The following CUBN variants were observed in gnomAD, a reference collection of about 807,000 sequenced individuals.
CUBN encodes cubilin.
A neutral mutation model predicts 405.3 loss-of-function variants in CUBN; 282 were observed. The observed-to-expected ratio is 0.70, with a 90% CI of 0.63 to 0.77. CUBN has a LOEUF of 0.77. CUBN is among the 30% of genes least tolerant of loss of function. The pLI is 0.00. For missense variants in CUBN, 4,514 were observed against 4,475.2 expected, an observed-to-expected ratio of 1.01 and a Z score of -0.25; for synonymous variants, 1,684 against 1,617.0, an observed-to-expected ratio of 1.04 and a Z score of -0.99.
At position 17,061,099 on chromosome 10, in the gene CUBN, A is replaced by G. The variant is rs190941194; in HGVS notation, c.3139+4409T>C. On this transcript the variant is annotated intron_variant, in intron 22 of 66. Transcript: ENST00000377833. ...AAACAACAACAAAAAAAACCCAAAA[A>G]CAAACAAACAAAAGTATTCCTAATT... 9.2e-5 allele frequency among the ~76,000 whole-genome samples: 14 copies of G among 152,176 alleles called. 1 individual carries two copies. Among genetic ancestry groups the G allele is most frequent in the Middle Eastern group, 3.4e-3 (1 of 294 alleles).
In CUBN at chr10:16,991,667, TA is replaced by T. The variant is rs538193631; in HGVS notation, c.4169-1153del. 6.7e-5 allele frequency among the ~76,000 whole-genome samples: 10 copies of T among 149,312 alleles called. 1 individual carries two copies. The East Asian group carries it at 1.8e-3, about 26-fold the overall frequency. ...TTTTTAAATATTCTTTATTGGTTGGTAAATTCTTCCAATTACCTTCTCTTAT... is the reference window on the plus strand; with the variant it reads ...TTTTTAAATATTCTTTATTGGTTGGTAATTCTTCCAATTACCTTCTCTTAT... On this transcript the variant is annotated intron_variant, in intron 28 of 66. Coordinates refer to ENST00000377833, the MANE Select transcript of CUBN (RefSeq NM_001081.4).
chr10:16,901,646 G>A (rs890316596), intron 51 of CUBN, among the ~76,000 whole-genome samples, 187 bp from the exon 52 acceptor site: 3 of 151,930 alleles, frequency 2.0e-5, no homozygotes, highest in Non-Finnish European at 2.9e-5. Flanking sequence ...CCGAGGTCAG[G>A]AGCTCAAGAC....
intron 49 of CUBN, among the ~76,000 whole-genome samples, chr10:16,907,221 C>T (rs115737606): frequency 0.011 from 1,731 of 152,278 alleles, 30 homozygotes; most frequent in African/African-American, 0.04. Context: ...CCAGGGACTA[C>T]GGAACAGGTC....
chr10:16,844,792 C>G (rs548223918), intron 60 of CUBN, among the ~76,000 whole-genome samples: 17 of 152,152 alleles, frequency 1.1e-4, no homozygotes, highest in Non-Finnish European at 2.2e-4. Context: ...CAGACTTTTG[C>G]CAGGTTGCCC....
rs370624387 is a variant in CUBN at position 16,901,912 on chromosome 10, T to C, written c.8063-453A>G. Reference sequence around the variant, plus strand: ...TAGTATATATATATATATATATATATATATATACACACACACACACACACC... The same window carrying C: ...TAGTATATATATATATATATATATACATATATACACACACACACACACACC... On this transcript the variant is annotated intron_variant, in intron 51 of 66. Transcript: ENST00000377833. 1.2e-3 allele frequency among the ~76,000 whole-genome samples: 92 copies of C among 77,990 alleles called. 1 individual carries two copies. Among genetic ancestry groups the C allele is most frequent in the East Asian group, 0.011 (27 of 2,378 alleles). 51.2% of individuals were successfully genotyped at this position (77,990 alleles called of 152,430 possible).
At chr10:17,069,396 G>A (rs78864437) in intron 19 of CUBN, among the ~76,000 whole-genome samples, 157 of 152,186 alleles carry the variant, frequency 1.0e-3, no homozygotes, top group Non-Finnish European at 2.0e-3. Flanking sequence ...TTAACTTTTT[G>A]AGGAACTGCC....
At position 17,105,466 on chromosome 10, in the gene CUBN, T is replaced by C; in HGVS notation, c.1221A>G (p.Gly407=). The change falls in exon 11 of 67, where the codon GGA becomes GGG. Residue 407 remains glycine (G), a synonymous_variant. Transcript: ENST00000377833. ...AAAACAAAGGACTCACGATGCATTG[T>C]CCATTTAGACAGGGGTGACTTAGGC... ...NICLSHPCLN[G]QCIDTVSGYF... 1.3e-6 allele frequency: 2 copies of C among 1,575,756 alleles called. No homozygotes were observed. Among genetic ancestry groups the C allele is most frequent in the Non-Finnish European group, 1.7e-6 (2 of 1,144,606 alleles).
intron 11 of CUBN, among the ~76,000 whole-genome samples, chr10:17,104,977 T>A (rs1232195453): frequency 6.6e-6 from 1 of 151,610 alleles, no homozygotes; most frequent in Non-Finnish European, 1.5e-5. Flanking sequence ...CCTGGCTAAC[T>A]TTTTGCAGTA....
Position 16,949,670 on chromosome 10 carries a change from G to A in CUBN, c.5080+331C>T, listed in dbSNP as rs11254292. Among the ~76,000 whole-genome samples, 884 of 152,132 alleles carry A rather than the reference G, an allele frequency of 5.8e-3. 36 individuals are homozygous for A. In the East Asian group the frequency reaches 0.11, roughly 19 times the overall value. On this transcript the variant is annotated intron_variant, in intron 34 of 66. Coordinates refer to ENST00000377833, the MANE Select transcript of CUBN (RefSeq NM_001081.4). ...TACTCCATGTGAATGTAAGAACTTG[G>A]TCAAATATTAACAAGAAATTTCTGA...
chr10:16,925,755 A>G lies in CUBN; in HGVS notation c.6291T>C (p.His2097=). ...SFHKSCGGYL[H]ADRGIITSPK... Reference sequence around the variant, plus strand: ...GGGACGTGATGATCCCTCTGTCTGCATGCAAATATCCACCGCAGCCTTCCC... The same window carrying G: ...GGGACGTGATGATCCCTCTGTCTGCGTGCAAATATCCACCGCAGCCTTCCC... Residue 2097 remains histidine, a synonymous_variant, in exon 42 of 67, where the codon CAT becomes CAC. Coordinates refer to ENST00000377833, the MANE Select transcript of CUBN (RefSeq NM_001081.4). 2 of 1,613,994 alleles carry G rather than the reference A, an allele frequency of 1.2e-6. No individual in the cohort carries two copies. The highest frequency in any genetic ancestry group is 1.7e-6 in the Non-Finnish European group (2 of 1,179,900).
At chr10:17,006,853 C>G (rs952508799) in intron 28 of CUBN, among the ~76,000 whole-genome samples, 1 of 152,144 alleles carries the variant, frequency 6.6e-6, no homozygotes, top group Non-Finnish European at 1.5e-5. Context: ...ATGGACCCAG[C>G]CCCCATTTGA....
chr10:17,061,638 G>A (rs73600135), intron 22 of CUBN, among the ~76,000 whole-genome samples: 8,808 of 152,166 alleles, frequency 0.058, 394 homozygotes, highest in South Asian at 0.22. Context: ...ATGAGTAGGT[G>A]GGAACCCTGC....
chr10:17,033,595 T>C (rs1834828459), intron 27 of CUBN, among the ~76,000 whole-genome samples: 1 of 152,200 alleles, frequency 6.6e-6, no homozygotes, highest in South Asian at 2.1e-4. Flanking sequence ...CCTGCTTAAT[T>C]GTGTTTTAAT....
intron 28 of CUBN, among the ~76,000 whole-genome samples, chr10:16,995,480 T>TGAA (rs1395068301): frequency 6.6e-6 from 1 of 152,220 alleles, no homozygotes; most frequent in East Asian, 1.9e-4. Context: ...ACATGCTGTG[T>TGAA]ATTCTATCTT....
intron 20 of CUBN, 122 bp from the exon 21 acceptor site, chr10:17,068,402 T>C: frequency 3.8e-6 from 4 of 1,057,272 alleles, no homozygotes; most frequent in Non-Finnish European, 4.2e-6. Context: ...AGTTGCCACT[T>C]AAGATAACCT....
At chr10:16,851,184 T>C (rs745427711) in intron 60 of CUBN, 51 bp downstream of exon 60, 4 of 1,410,604 alleles carry the variant, frequency 2.8e-6, no homozygotes, top group South Asian at 2.3e-5. Flanking sequence ...GAATACACTA[T>C]ATTAGAGTCT....
rs1836573668 is a variant in CUBN at position 17,104,517 on chromosome 10, G to A, written c.1319C>T (p.Pro440Leu). 1.2e-6 allele frequency: 2 copies of A among 1,613,598 alleles called. No homozygotes were observed. The highest frequency in any genetic ancestry group is 1.1e-5 in the South Asian group (1 of 91,076). Residue 440 changes from proline (P) to leucine (L), a missense_variant, in exon 12 of 67, where the codon CCC becomes CTC. Pro to Leu is a moderately conservative substitution (Grantham distance 98). This residue lies in a region of CUBN where 1,448 missense variants were observed against 1,388.0 expected (regional missense o/e 1.04). Coordinates refer to ENST00000377833, the MANE Select transcript of CUBN (RefSeq NM_001081.4). The stretch of plus-strand genomic sequence containing the variant: ...AACACAAGTTCCTCCATTCAAACAG[G>A]GGTTGCTCAAACACTCATTGATGTT... ...TENINECLSN[P>L]CLNGGTCVDG...
chr10:16,840,414 C>G lies in CUBN; in HGVS notation c.9948G>C (p.Gln3316His). 6.2e-7 allele frequency: 1 copy of G among 1,614,104 alleles called. No individual in the cohort carries two copies. The highest frequency in any genetic ancestry group is 8.5e-7 in the Non-Finnish European group (1 of 1,180,004). The change falls in exon 62 of 67, where the codon CAG becomes CAC. Residue 3316 changes from glutamine (Q) to histidine (H), a missense_variant. Physicochemically the swap from Gln to His is conservative, Grantham distance 24. This residue lies in a region of CUBN where 1,186 missense variants were observed against 1,186.9 expected (regional missense o/e 1.00). Transcript: ENST00000377833. ...CTWVIDSPPH[Q>H]QVKITVWALQ... is the part of the protein sequence containing the mutation. ...ATGCCCACACAGTTATCTTGACCTG[C>G]TGATGCGGAGGGGAATCAATGACCC...
At chr10:16,860,988 G>A (rs1839996049) in intron 59 of CUBN, among the ~76,000 whole-genome samples, 1 of 152,112 alleles carries the variant, frequency 6.6e-6, no homozygotes, top group African/African-American at 2.4e-5. Flanking sequence ...ATGATACAGA[G>A]CCCTCCATGC....
Sources: allele counts gnomAD v4.1 joint callset (sites outside exome capture counted in the v4.1 genomes callset), GRCh38; gene constraint gnomAD v4.1.1; regional missense constraint gnomAD v4.1.1; transcripts MANE v1.5; gene names NCBI Gene and HGNC (gene_info 2026-07-23, HGNC 2026-07-21).